BRD10: variants seen among roughly 807,000 people sequenced by gnomAD.
BRD10 encodes bromodomain containing 10, also known as uncharacterized bromodomain-containing protein 10.
the BRD10 span, among the ~76,000 whole-genome samples, chr9:5,976,747 A>G: frequency 6.6e-6 from 1 of 151,954 alleles, no homozygotes; most frequent in Non-Finnish European, 1.5e-5. Flanking sequence ...AGATGTGAAG[A>G]GTCAACACTA....
chr9:5,919,003 TG>T, the BRD10 span: 1 of 152,606 alleles, frequency 6.6e-6, no homozygotes, highest in East Asian at 1.9e-4. Flanking sequence ...ACGTTAAAAA[TG>T]GTATTCAAAC....
chr9:5,968,019 C>T, the BRD10 span: 3 of 1,495,198 alleles, frequency 2.0e-6, no homozygotes, highest in Non-Finnish European at 2.7e-6. Context: ...GTTAGCTTAC[C>T]AGATTTGTGC....
the BRD10 span, among the ~76,000 whole-genome samples, chr9:5,952,597 C>T: frequency 6.6e-6 from 1 of 152,164 alleles, no homozygotes; most frequent in African/African-American, 2.4e-5. Flanking sequence ...CTAATGAATA[C>T]CACTGCAATT....
At chr9:5,979,684 A>C in the BRD10 span, among the ~76,000 whole-genome samples, 1 of 152,170 alleles carries the variant, frequency 6.6e-6, no homozygotes, top group African/African-American at 2.4e-5. Context: ...CTTGAGGAGA[A>C]CCAATTGCCA....
chr9:5,934,558 G>A, the BRD10 span, among the ~76,000 whole-genome samples: 1 of 151,786 alleles, frequency 6.6e-6, no homozygotes, highest in Non-Finnish European at 1.5e-5. Context: ...TAGAGATGAG[G>A]CTTCACCATA....
At chr9:5,989,362 T>A in the BRD10 span, among the ~76,000 whole-genome samples, 3 of 147,872 alleles carry the variant, frequency 2.0e-5, no homozygotes, top group Admixed American at 2.0e-4. Context: ...GCTTGGGAGG[T>A]TGAGGCTGCA....
At chr9:5,883,384 G>A in the BRD10 span, among the ~76,000 whole-genome samples, 1 of 151,628 alleles carries the variant, frequency 6.6e-6, no homozygotes, top group Non-Finnish European at 1.5e-5. Context: ...TCATTCTGGT[G>A]GCAGCAACCT....
the BRD10 span, among the ~76,000 whole-genome samples, chr9:5,987,877 G>A: frequency 6.6e-6 from 1 of 152,108 alleles, no homozygotes; most frequent in African/African-American, 2.4e-5. Flanking sequence ...GACCCTAGAA[G>A]CTACCATTAA....
chr9:5,989,246 A>AAAG, the BRD10 span, among the ~76,000 whole-genome samples: 13 of 141,038 alleles, frequency 9.2e-5, no homozygotes, highest in African/African-American at 3.3e-4. Context: ...AAAAAAAAAA[A>AAAG]AAAAAAAAAA....
At chr9:6,004,314 G>A in the BRD10 span, among the ~76,000 whole-genome samples, 1 of 152,178 alleles carries the variant, frequency 6.6e-6, no homozygotes, top group Non-Finnish European at 1.5e-5. Context: ...CTTAAGGGCA[G>A]GGAACTTATC....
chr9:5,996,669 A>G, the BRD10 span, among the ~76,000 whole-genome samples: 1 of 152,164 alleles, frequency 6.6e-6, no homozygotes, highest in African/African-American at 2.4e-5. Context: ...TGCTTAGAAT[A>G]TATTTATTCT....
chr9:6,005,017 C>T, the BRD10 span, among the ~76,000 whole-genome samples: 6 of 152,170 alleles, frequency 3.9e-5, no homozygotes, highest in Non-Finnish European at 8.8e-5. Context: ...AAGAATTTTA[C>T]CTCTACTGGC....
At chr9:6,000,076 G>A in the BRD10 span, among the ~76,000 whole-genome samples, 2 of 152,158 alleles carry the variant, frequency 1.3e-5, no homozygotes, top group South Asian at 4.1e-4. Flanking sequence ...AGGACATATA[G>A]AAAAGTTAAA....
At chr9:5,948,775 A>G in the BRD10 span, among the ~76,000 whole-genome samples, 1 of 152,160 alleles carries the variant, frequency 6.6e-6, no homozygotes, top group Non-Finnish European at 1.5e-5. Context: ...CCGTTCTAAT[A>G]AAAAGATCCT....
At chr9:5,966,283 A>G in the BRD10 span, among the ~76,000 whole-genome samples, 1 of 152,108 alleles carries the variant, frequency 6.6e-6, no homozygotes, top group Non-Finnish European at 1.5e-5. Context: ...TCTCTGATCT[A>G]CAGCAGTGTC....
At chr9:5,981,517 A>G in the BRD10 span, among the ~76,000 whole-genome samples, 1 of 152,216 alleles carries the variant, frequency 6.6e-6, no homozygotes, top group South Asian at 2.1e-4. Flanking sequence ...TAAGCAGGCA[A>G]TTAGGTCTGA....
the BRD10 span, among the ~76,000 whole-genome samples, chr9:5,946,024 T>C: frequency 6.6e-6 from 1 of 152,068 alleles, no homozygotes; most frequent in African/African-American, 2.4e-5. Flanking sequence ...TTTCTTCTGT[T>C]AGAAGAGCAA....
chr9:5,896,020 G>C, the BRD10 span, among the ~76,000 whole-genome samples: 1 of 152,248 alleles, frequency 6.6e-6, no homozygotes, highest in African/African-American at 2.4e-5. Flanking sequence ...AACACTCCTT[G>C]TGACAGCTTC....
At chr9:5,926,208 G>A in the BRD10 span, among the ~76,000 whole-genome samples, 5 of 151,454 alleles carry the variant, frequency 3.3e-5, no homozygotes, top group East Asian at 2.2e-4. Context: ...GAATCACTGC[G>A]CCTGGCCATG....
Sources: allele counts gnomAD v4.1 joint callset (sites outside exome capture counted in the v4.1 genomes callset), GRCh38; gene constraint gnomAD v4.1.1; transcripts MANE v1.5; gene names NCBI Gene and HGNC (gene_info 2026-07-23, HGNC 2026-07-21).